Variants in NUMB observed in about 807,000 individuals in gnomAD.
NUMB encodes protein numb homolog.
In NUMB, 29 loss-of-function variants were observed where a neutral mutation model predicts 59.7. The ratio of observed to expected loss-of-function variants is 0.49; its 90% CI spans 0.36 to 0.66. The LOEUF is 0.66. Ranked by LOEUF, NUMB falls within the 30% of genes least tolerant of loss-of-function variation. NUMB has a pLI of 0.00. For synonymous variants in NUMB, 288 were observed against 288.2 expected (o/e 1.00, Z 0.01); for missense variants, 723 against 822.0 (o/e 0.88, Z 1.47).
intron 4 of NUMB, among the ~76,000 whole-genome samples, chr14:73,338,336 G>A (rs1473042552): frequency 6.6e-6 from 1 of 151,968 alleles, no homozygotes; most frequent in African/African-American, 2.4e-5. Context: ...GTTCTCTTGT[G>A]ACACTTTACA....
intron 1 of NUMB, among the ~76,000 whole-genome samples, chr14:73,448,096 C>T (rs1883666439): frequency 6.6e-6 from 1 of 152,062 alleles, no homozygotes; most frequent in Non-Finnish European, 1.5e-5. Flanking sequence ...CGCATCTGGC[C>T]TCTAATATTT....
At chr14:73,310,825 C>CT (rs1890741258) in intron 6 of NUMB, among the ~76,000 whole-genome samples, 1 of 152,104 alleles carries the variant, frequency 6.6e-6, no homozygotes, top group African/African-American at 2.4e-5. Flanking sequence ...TTTCCTGTCT[C>CT]TATGTTGAGT....
chr14:73,425,732 G>A (rs149932668), intron 1 of NUMB, among the ~76,000 whole-genome samples: 10 of 151,996 alleles, frequency 6.6e-5, no homozygotes, highest in African/African-American at 1.9e-4. Flanking sequence ...ATATAAATGT[G>A]TATAAGTGTG....
intron 6 of NUMB, among the ~76,000 whole-genome samples, chr14:73,304,195 A>G (rs1890297381): frequency 6.6e-6 from 1 of 152,242 alleles, no homozygotes. Flanking sequence ...CTGTAAGATG[A>G]CTTTCTCCTA....
intron 1 of NUMB, among the ~76,000 whole-genome samples, chr14:73,412,418 G>A (rs568242057): frequency 2.6e-4 from 39 of 151,816 alleles, no homozygotes; most frequent in African/African-American, 7.7e-4. Flanking sequence ...ACCTAAGGTC[G>A]GGAGTTTGAA....
intron 2 of NUMB, among the ~76,000 whole-genome samples, chr14:73,404,806 GC>G (rs1896584637): frequency 6.6e-6 from 1 of 151,742 alleles, no homozygotes; most frequent in Non-Finnish European, 1.5e-5. Flanking sequence ...TGTCACCCAG[GC>G]TGGAGTGCAA....
chr14:73,438,539 G>A (rs1327185054), intron 1 of NUMB, among the ~76,000 whole-genome samples: 6 of 151,520 alleles, frequency 4.0e-5, no homozygotes, highest in African/African-American at 1.2e-4. Flanking sequence ...GCCAAGGCAC[G>A]GGAATCGCTT....
chr14:73,345,752 A>G (rs952275056), intron 4 of NUMB, among the ~76,000 whole-genome samples: 2 of 151,958 alleles, frequency 1.3e-5, no homozygotes, highest in East Asian at 3.9e-4. Context: ...TACTAAAAAT[A>G]CAAAAATTAG....
intron 1 of NUMB, among the ~76,000 whole-genome samples, chr14:73,456,103 A>C (rs567913413): frequency 8.6e-5 from 13 of 150,386 alleles, no homozygotes; most frequent in South Asian, 4.2e-4. Flanking sequence ...TAATACTCCC[A>C]AAAAAACCTT....
chr14:73,417,622 A>AT (rs1379618056), intron 1 of NUMB, among the ~76,000 whole-genome samples: 1 of 152,206 alleles, frequency 6.6e-6, no homozygotes, highest in Non-Finnish European at 1.5e-5. Flanking sequence ...AGTAAAGCAT[A>AT]TGGTGGTTAC....
intron 1 of NUMB, among the ~76,000 whole-genome samples, chr14:73,450,921 G>A (rs554933885): frequency 9.2e-5 from 14 of 152,170 alleles, no homozygotes; most frequent in Admixed American, 5.9e-4. Context: ...GGAGGCCGAG[G>A]CAGGAGGATC....
intron 3 of NUMB, among the ~76,000 whole-genome samples, chr14:73,363,573 C>T (rs558809408): frequency 1.3e-4 from 20 of 152,148 alleles, no homozygotes; most frequent in Non-Finnish European, 2.8e-4. Context: ...TTGAGGCTGG[C>T]ATAACCTGGA....
chr14:73,279,491 C>A, intron 11 of NUMB, 67 bp from the exon 12 acceptor site: 1 of 1,454,164 alleles, frequency 6.9e-7, no homozygotes. Flanking sequence ...CCCCTTGGAG[C>A]TGTGTCAGTC....
At chr14:73,301,278 A>G (rs923409157) in intron 6 of NUMB, among the ~76,000 whole-genome samples, 4 of 152,254 alleles carry the variant, frequency 2.6e-5, no homozygotes, top group African/African-American at 9.6e-5. Context: ...TCATTGTATA[A>G]TTGTAGCCTG....
chr14:73,372,452 C>A (rs192428190), intron 2 of NUMB, among the ~76,000 whole-genome samples: 25 of 145,448 alleles, frequency 1.7e-4, no homozygotes, highest in African/African-American at 5.8e-4. Flanking sequence ...TGAAAATATA[C>A]ATATATGTGT....
At position 73,276,712 on chromosome 14, in the gene NUMB, T is replaced by C. The variant is rs563648621; in HGVS notation, c.1822A>G (p.Thr608Ala). ...ASADRHTEVP[T>A]GTCPVDPFEA... ...AAAGGATCCACTGGGCAGGTGCCTGTAGGAACCTCTGTATGCCTGTCTGCT... is the reference window on the plus strand; with the variant it reads ...AAAGGATCCACTGGGCAGGTGCCTGCAGGAACCTCTGTATGCCTGTCTGCT... Residue 608 changes from threonine to alanine, a missense_variant, in exon 13 of 13, where the codon ACA (threonine) becomes GCA (alanine). Coordinates refer to ENST00000555238, the MANE Select transcript of NUMB (RefSeq NM_001005743.2). The C allele has an allele frequency of 1.2e-6, 2 of 1,614,158 alleles. No homozygotes were observed. The highest frequency in any genetic ancestry group is 4.5e-5 in the East Asian group (2 of 44,878).
intron 12 of NUMB, among the ~76,000 whole-genome samples, chr14:73,278,350 T>C (rs2139790762): frequency 6.6e-6 from 1 of 151,696 alleles, no homozygotes; most frequent in Admixed American, 6.6e-5. Context: ...TGACACCCCA[T>C]TTCTACTAAA....
chr14:73,454,966 A>G (rs926602575), intron 1 of NUMB, among the ~76,000 whole-genome samples: 1 of 152,196 alleles, frequency 6.6e-6, no homozygotes, highest in Non-Finnish European at 1.5e-5. Context: ...ACTGAACTCA[A>G]TGCAAGAAAT....
rs1895045750 is a variant in NUMB at position 73,378,006 on chromosome 14, C to CACACACAT, written c.-100-11026_-100-11025insATGTGTGT. 2.7e-5 allele frequency among the ~76,000 whole-genome samples: 4 copies of CACACACAT among 149,058 alleles called. No individual in the cohort carries two copies. In the South Asian group the frequency reaches 8.4e-4, roughly 31 times the overall value. On this transcript the variant is annotated intron_variant, in intron 2 of 12. Coordinates refer to ENST00000555238, the MANE Select transcript of NUMB (RefSeq NM_001005743.2). The stretch of plus-strand genomic sequence containing the variant: ...ATATATATACACATACACACACACA[C>CACACACAT]ACACACACACACATACACACACACA...
Sources: allele counts gnomAD v4.1 joint callset (sites outside exome capture counted in the v4.1 genomes callset), GRCh38; gene constraint gnomAD v4.1.1; transcripts MANE v1.5; gene names NCBI Gene and HGNC (gene_info 2026-07-23, HGNC 2026-07-21).